SESTD1: variants seen among roughly 807,000 people sequenced by gnomAD.
SESTD1 encodes the protein SEC14 and spectrin domain containing 1.
Under a neutral mutation model 101.7 loss-of-function variants are expected in SESTD1, and 43 were observed. That is an observed-to-expected ratio of 0.42 (90% confidence interval 0.33 to 0.55). SESTD1 has a LOEUF of 0.55. SESTD1 is among the 20% of genes least tolerant of loss of function. SESTD1 has a pLI of 0.07. For synonymous variants in SESTD1, 283 were observed against 286.8 expected (o/e 0.99, Z 0.13); for missense variants, 647 against 815.1 (o/e 0.79, Z 2.51).
chr2:179,172,174 A>T lies in SESTD1; in HGVS notation c.315T>A (p.Asp105Glu). Residue 105 changes from aspartate (D) to glutamate (E), a missense_variant, in exon 5 of 18, where the codon GAT (aspartate) becomes GAA (glutamate). Around this residue, in one of 3 missense-constraint regions of SESTD1, gnomAD observed 168 missense variants for 235.1 expected, o/e 0.71. Coordinates refer to ENST00000428443, the MANE Select transcript of SESTD1 (RefSeq NM_178123.5). ...VCVVKPDEFWDKKVTHFCFWK... is the reference protein window; with the variant it reads ...VCVVKPDEFWEKKVTHFCFWK... ...AAAAACAAAAATGCGTTACTTTCTT[A>T]TCCCAGAATTCATCTGGCTTTACCA... The T allele has an allele frequency of 6.2e-7, 1 of 1,610,542 alleles. No homozygotes were observed. The highest frequency in any genetic ancestry group is 8.5e-7 in the Non-Finnish European group (1 of 1,177,784).
chr2:179,167,585 A>T (rs1395174659), intron 5 of SESTD1, among the ~76,000 whole-genome samples: 2 of 152,124 alleles, frequency 1.3e-5, no homozygotes, highest in Non-Finnish European at 2.9e-5. Flanking sequence ...ACAGCAAAAT[A>T]AAACTGCTAA....
chr2:179,186,097 A>G (rs543632628), intron 2 of SESTD1, among the ~76,000 whole-genome samples: 1 of 149,478 alleles, frequency 6.7e-6, no homozygotes, highest in Admixed American at 6.7e-5. Flanking sequence ...CATACTAGGA[A>G]AACATGTCAA....
intron 4 of SESTD1, among the ~76,000 whole-genome samples, chr2:179,175,009 G>A (rs1275755945): frequency 6.6e-6 from 1 of 150,704 alleles, no homozygotes; most frequent in Non-Finnish European, 1.5e-5. Context: ...AAACATTTAA[G>A]AAGAATGAGG....
At chr2:179,140,601 C>T (rs964809965) in intron 9 of SESTD1, among the ~76,000 whole-genome samples, 1 of 152,190 alleles carries the variant, frequency 6.6e-6, no homozygotes, top group Non-Finnish European at 1.5e-5. Context: ...AGCAATACAA[C>T]CCCTCTTCCA....
chr2:179,151,179 A>G lies in SESTD1; in HGVS notation c.483+99T>C, dbSNP rs1485341721. The G allele has an allele frequency of 3.8e-6, 3 of 795,190 alleles. No homozygotes were observed. In the African/African-American group the frequency reaches 5.4e-5, roughly 14 times the overall value. 49.3% of individuals were successfully genotyped at this position (795,190 alleles called of 1,614,324 possible). On this transcript the variant is annotated intron_variant, in intron 6 of 17. Coordinates refer to ENST00000428443, the MANE Select transcript of SESTD1 (RefSeq NM_178123.5). ...CACATATTTCTCCATTTTTGTAAAA[A>G]GAAAAATAATCTATATTTTAATAGA...
chr2:179,147,248 G>C (rs960434497), intron 7 of SESTD1, among the ~76,000 whole-genome samples: 1 of 151,906 alleles, frequency 6.6e-6, no homozygotes, highest in Admixed American at 6.6e-5. Flanking sequence ...GCAATAACAC[G>C]TCAGTTCCTT....
intron 3 of SESTD1, among the ~76,000 whole-genome samples, chr2:179,181,428 T>C (rs560807685): frequency 5.9e-5 from 9 of 152,334 alleles, no homozygotes; most frequent in African/African-American, 1.7e-4. Context: ...AACATGTTCA[T>C]GGAAAGATAA....
At chr2:179,207,993 G>A (rs986879590) in intron 1 of SESTD1, among the ~76,000 whole-genome samples, 4 of 133,254 alleles carry the variant, frequency 3.0e-5, no homozygotes, top group Admixed American at 1.5e-4. Flanking sequence ...GGATATTAAC[G>A]AAAACGTCTC....
intron 1 of SESTD1, chr2:179,264,105 C>A (rs979772562): frequency 5.3e-5 from 8 of 152,292 alleles, no homozygotes; most frequent in African/African-American, 1.9e-4. Context: ...AAAATAAGGA[C>A]TAACGCCCAA....
At chr2:179,143,102 T>C (rs567521427) in intron 9 of SESTD1, among the ~76,000 whole-genome samples, 1 of 152,074 alleles carries the variant, frequency 6.6e-6, no homozygotes, top group Non-Finnish European at 1.5e-5. Context: ...CTTATAAAAA[T>C]AAAGTTTAAA....
At position 179,107,203 on chromosome 2, in the gene SESTD1, G is replaced by T. The variant is rs1448362837; in HGVS notation, c.*2696C>A. ...TTAAGTGAGCTTTGACCCTATGGAAGAAAGTTGCTTTAGGGCATTACTGGA... is the reference window on the plus strand; with the variant it reads ...TTAAGTGAGCTTTGACCCTATGGAATAAAGTTGCTTTAGGGCATTACTGGA... On this transcript the variant is annotated 3_prime_UTR_variant, in exon 18 of 18. Coordinates refer to ENST00000428443, the MANE Select transcript of SESTD1 (RefSeq NM_178123.5). 6.6e-6 allele frequency: 1 copy of T among 152,142 alleles called. No homozygotes were observed. The highest frequency in any genetic ancestry group is 2.4e-5 in the African/African-American group (1 of 41,436). The allele number at this position is 152,142 out of a possible 1,614,324, so 9.4% of individuals were successfully genotyped here.
chr2:179,126,622 A>T (rs1217897220), intron 10 of SESTD1, among the ~76,000 whole-genome samples: 1 of 152,192 alleles, frequency 6.6e-6, no homozygotes, highest in African/African-American at 2.4e-5. Flanking sequence ...CTACCAAGTT[A>T]ATATAGGCTC....
At chr2:179,111,202 T>G (rs1457386016) in intron 17 of SESTD1, among the ~76,000 whole-genome samples, 1 of 152,244 alleles carries the variant, frequency 6.6e-6, no homozygotes. Flanking sequence ...AATACAACTT[T>G]AGGTGACTTT....
chr2:179,264,138 C>T (rs2047522768), intron 1 of SESTD1: 1 of 152,222 alleles, frequency 6.6e-6, no homozygotes, highest in Non-Finnish European at 1.5e-5. Context: ...ATTCGGGTCC[C>T]TTTCACCCAG....
chr2:179,161,777 G>C (rs2045741449), intron 5 of SESTD1, among the ~76,000 whole-genome samples: 1 of 151,762 alleles, frequency 6.6e-6, no homozygotes, highest in Non-Finnish European at 1.5e-5. Context: ...GCTTGTTTTT[G>C]TAATTTTCAT....
Position 179,150,665 on chromosome 2 carries a change from C to G in SESTD1, c.483+613G>C, listed in dbSNP as rs998304643. Reference sequence around the variant, plus strand: ...TGAAACCCCGTCTCTGCTAAAAATACAAAAATTAGCTGGGCGTGGTGGCGC... The same window carrying G: ...TGAAACCCCGTCTCTGCTAAAAATAGAAAAATTAGCTGGGCGTGGTGGCGC... On this transcript the variant is annotated intron_variant, in intron 6 of 17. Coordinates refer to ENST00000428443, the MANE Select transcript of SESTD1 (RefSeq NM_178123.5). Among the ~76,000 whole-genome samples, 11 of 152,004 alleles carry G rather than the reference C, an allele frequency of 7.2e-5. 1 individual carries two copies. The highest frequency in any genetic ancestry group is 2.4e-4 in the African/African-American group (10 of 41,472).
At position 179,216,763 on chromosome 2, in the gene SESTD1, T is replaced by C. The variant is rs887425386; in HGVS notation, c.-25-24897A>G. ...CAAGTCTACAGTAACCAAAACAGCA[T>C]GGTACTGGTACCAAAACAGACATAC... On this transcript the variant is annotated intron_variant, in intron 1 of 17. Transcript: ENST00000428443. Among the ~76,000 whole-genome samples the C allele has an allele frequency of 1.2e-4, 16 of 134,870 alleles. 1 individual carries two copies. Among genetic ancestry groups the C allele is most frequent in the African/African-American group, 4.7e-4 (16 of 34,192 alleles). The allele number at this position is 134,870 out of a possible 152,430, so 88.5% of individuals were successfully genotyped here.
At chr2:179,257,658 G>C (rs979455942) in intron 1 of SESTD1, among the ~76,000 whole-genome samples, 1 of 151,992 alleles carries the variant, frequency 6.6e-6, no homozygotes, top group Non-Finnish European at 1.5e-5. Context: ...TAAAGATAAA[G>C]GCAAAGAATA....
In SESTD1 at chr2:179,108,137, T is replaced by C. The variant is rs894346830; in HGVS notation, c.*1762A>G. 2.6e-5 allele frequency: 4 copies of C among 152,208 alleles called. No individual in the cohort carries two copies. The highest frequency in any genetic ancestry group is 4.4e-5 in the Non-Finnish European group (3 of 68,024). 9.4% of individuals were successfully genotyped at this position (152,208 alleles called of 1,614,324 possible). ...AATTAAAAAGAAGTACAAGTCTAGA[T>C]TTCTGGACCAGGTATGTAATCCAGA... On this transcript the variant is annotated 3_prime_UTR_variant, in exon 18 of 18. Coordinates refer to ENST00000428443, the MANE Select transcript of SESTD1 (RefSeq NM_178123.5).
Sources: allele counts gnomAD v4.1 joint callset (sites outside exome capture counted in the v4.1 genomes callset), GRCh38; gene constraint gnomAD v4.1.1; regional missense constraint gnomAD v4.1.1; transcripts MANE v1.5; gene names NCBI Gene and HGNC (gene_info 2026-07-23, HGNC 2026-07-21).